Variants in LOXHD1 observed in about 807,000 individuals in gnomAD.
LOXHD1 encodes lipoxygenase homology PLAT domains 1, also known as lipoxygenase homology domain-containing protein 1.
A neutral mutation model predicts 248.2 loss-of-function variants in LOXHD1; 205 were observed. That is an observed-to-expected ratio of 0.83 (90% CI 0.74 to 0.93). The LOEUF (loss-of-function observed/expected upper bound fraction) is 0.93. LOXHD1 is among the 40% of genes least tolerant of loss of function. LOXHD1 has a pLI of 0.00. For synonymous variants in LOXHD1, 1,113 were observed against 1,162.8 expected (o/e 0.96, Z 0.87); for missense variants, 2,930 against 2,971.6 (o/e 0.99, Z 0.33).
chr18:46,595,446 C>T (rs946437749), intron 8 of LOXHD1, among the ~76,000 whole-genome samples: 1 of 152,140 alleles, frequency 6.6e-6, no homozygotes, highest in Non-Finnish European at 1.5e-5. Context: ...AATATACTGG[C>T]AATTAATATA....
chr18:46,639,628 C>T lies in LOXHD1; in HGVS notation c.499G>A (p.Asp167Asn), dbSNP rs1419436930. The T allele has an allele frequency of 1.3e-6, 2 of 1,551,428 alleles. No homozygotes were observed. Among genetic ancestry groups the T allele is most frequent in the Non-Finnish European group, 1.7e-6 (2 of 1,146,828 alleles). Residue 167 changes from aspartate (D) to asparagine (N), a missense_variant, in exon 4 of 41, where the codon GAC becomes AAC. Physicochemically the swap from Asp to Asn is conservative, Grantham distance 23 (BLOSUM62 1). Transcript: ENST00000642948. ...RDLLASFNPM[D>N]MPRGNKYEVK... ...CCTAGGCACTGACCTCTGGGCATGT[C>T]CATGGGGTTGAAGCTGGCCAGCAGG...
At chr18:46,558,698 A>G (rs1432755406) in intron 20 of LOXHD1, among the ~76,000 whole-genome samples, 4 of 152,226 alleles carry the variant, frequency 2.6e-5, no homozygotes, top group Non-Finnish European at 5.9e-5. Context: ...AGGGTGAGAT[A>G]AGAGATAGTT....
At chr18:46,491,718 G>A (rs189497909) in intron 37 of LOXHD1, among the ~76,000 whole-genome samples, 6 of 152,210 alleles carry the variant, frequency 3.9e-5, no homozygotes, top group East Asian at 3.9e-4. Context: ...TACACTTTCC[G>A]GGCTCCAGCC....
chr18:46,577,141 T>C (rs557028320), intron 14 of LOXHD1, among the ~76,000 whole-genome samples: 8 of 152,304 alleles, frequency 5.3e-5, no homozygotes, highest in Admixed American at 3.3e-4. Flanking sequence ...AGAGCCACCA[T>C]GATGACATGA....
intron 23 of LOXHD1, chr18:46,544,756 C>T (rs1386383805): frequency 2.1e-6 from 1 of 467,630 alleles, no homozygotes; most frequent in African/African-American, 2.0e-5. Context: ...TCTCTACCAG[C>T]ACATTGTTGT....
chr18:46,578,807 G>A (rs529222649), intron 13 of LOXHD1, among the ~76,000 whole-genome samples: 7 of 152,324 alleles, frequency 4.6e-5, no homozygotes, highest in South Asian at 4.2e-4. Context: ...CCTCAGAGAC[G>A]GTACATCCAC....
chr18:46,525,028 CCTT>C (rs2035766128), intron 29 of LOXHD1, 111 bp from the exon 30 acceptor site: 3 of 1,267,996 alleles, frequency 2.4e-6, no homozygotes, highest in Non-Finnish European at 3.3e-6. Flanking sequence ...ACTGAACAGA[CCTT>C]CTTTGCTGGG....
intron 36 of LOXHD1, 107 bp downstream of exon 36, chr18:46,507,431 G>A: frequency 1.6e-6 from 2 of 1,234,718 alleles, no homozygotes; most frequent in Non-Finnish European, 1.1e-6. Flanking sequence ...ACTAGATTTT[G>A]GAAGGCCTTA....
At chr18:46,583,120 A>T (rs1288401087) in intron 12 of LOXHD1, among the ~76,000 whole-genome samples, 1 of 152,224 alleles carries the variant, frequency 6.6e-6, no homozygotes, top group Non-Finnish European at 1.5e-5. Flanking sequence ...TCAAAGTCAC[A>T]AAAAGGGTGA....
At chr18:46,495,723 A>T (rs911393657) in intron 37 of LOXHD1, among the ~76,000 whole-genome samples, 1 of 152,236 alleles carries the variant, frequency 6.6e-6, no homozygotes, top group African/African-American at 2.4e-5. Context: ...CATATTACAT[A>T]GTATTGGGAA....
intron 10 of LOXHD1, 61 bp downstream of exon 10, chr18:46,593,539 G>A (rs1376055683): frequency 8.5e-6 from 13 of 1,528,658 alleles, no homozygotes; most frequent in Non-Finnish European, 1.2e-5. Flanking sequence ...AGAATCCCCA[G>A]GACGAATGCC....
At chr18:46,638,584 G>A (rs1032643539) in intron 4 of LOXHD1, among the ~76,000 whole-genome samples, 7 of 152,192 alleles carry the variant, frequency 4.6e-5, no homozygotes, top group Admixed American at 1.3e-4. Context: ...AGTGAGCGAA[G>A]ATTGTGCCAT....
chr18:46,512,989 A>T (rs1484593448), intron 34 of LOXHD1, among the ~76,000 whole-genome samples: 1 of 152,216 alleles, frequency 6.6e-6, no homozygotes, highest in Non-Finnish European at 1.5e-5. Flanking sequence ...AATCCAGGTG[A>T]TATAAAAGCC....
chr18:46,478,946 C>T (rs1015153749), intron 40 of LOXHD1, among the ~76,000 whole-genome samples: 4 of 152,160 alleles, frequency 2.6e-5, no homozygotes, highest in African/African-American at 7.2e-5. Flanking sequence ...AATTCTCCTG[C>T]GCTGGCCTCC....
intron 7 of LOXHD1, among the ~76,000 whole-genome samples, chr18:46,602,007 G>A (rs939523059): frequency 6.6e-6 from 1 of 152,132 alleles, no homozygotes; most frequent in African/African-American, 2.4e-5. Flanking sequence ...AGGATTGAGG[G>A]AGAGAGAGAA....
intron 2 of LOXHD1, among the ~76,000 whole-genome samples, chr18:46,642,908 GCT>G (rs777085859): frequency 2.6e-5 from 4 of 152,186 alleles, no homozygotes; most frequent in Non-Finnish European, 4.4e-5. Flanking sequence ...CTCACTCAGC[GCT>G]CTCAGCCAGG....
intron 14 of LOXHD1, among the ~76,000 whole-genome samples, chr18:46,576,817 A>AT (rs1438607972): frequency 1.3e-5 from 2 of 152,106 alleles, no homozygotes; most frequent in African/African-American, 4.8e-5. Flanking sequence ...GCTGCAGCAG[A>AT]TGTGTGCCTG....
chr18:46,542,089 G>T, intron 24 of LOXHD1, 149 bp from the exon 25 acceptor site: 1 of 738,000 alleles, frequency 1.4e-6, no homozygotes, highest in Non-Finnish European at 2.1e-6. Flanking sequence ...TTGCTAAAGT[G>T]ACTCCCATTA....
intron 5 of LOXHD1, among the ~76,000 whole-genome samples, chr18:46,614,885 A>G (rs1050378494): frequency 6.6e-5 from 10 of 152,210 alleles, no homozygotes; most frequent in Non-Finnish European, 1.3e-4. Context: ...AACTATTTAT[A>G]TAAGATGGAG....
Sources: allele counts gnomAD v4.1 joint callset (sites outside exome capture counted in the v4.1 genomes callset), GRCh38; gene constraint gnomAD v4.1.1; transcripts MANE v1.5; gene names NCBI Gene and HGNC (gene_info 2026-07-23, HGNC 2026-07-21).